Variants in TMEM126A observed in about 807,000 individuals in gnomAD.
TMEM126A encodes transmembrane protein 126A, also known as optic atrophy 7.
Under a neutral mutation model 18.3 loss-of-function variants are expected in TMEM126A, and 10 were observed. The observed-to-expected ratio is 0.55, with a 90% CI of 0.34 to 0.93. TMEM126A has a LOEUF of 0.93. Among genes scored for constraint, TMEM126A ranks in the 40% least tolerant of loss-of-function variants. TMEM126A has a pLI of 0.02. For synonymous variants in TMEM126A, 68 were observed against 78.1 expected (o/e 0.87, Z 0.68); for missense variants, 246 against 230.2 (o/e 1.07, Z -0.44).
At chr11:85,652,687 A>C (rs1045922600) in intron 2 of TMEM126A, among the ~76,000 whole-genome samples, 40 of 152,210 alleles carry the variant, frequency 2.6e-4, no homozygotes, top group African/African-American at 9.1e-4. Flanking sequence ...CTATGGGAAA[A>C]ATCTGGTTGG....
rs2153313677 is a variant in TMEM126A at position 85,655,650 on chromosome 11, A to G, written c.337A>G (p.Ile113Val). The G allele has an allele frequency of 3.1e-6, 5 of 1,613,712 alleles. No homozygotes were observed. Among genetic ancestry groups the G allele is most frequent in the Non-Finnish European group, 4.2e-6 (5 of 1,179,740 alleles). ...ACGGAGTGGACTGACTGGTCTTGTT[A>G]TTGGTGGTCTATACCCTGTTTTCTT... ...ITRSGLTGLV[I>V]GGLYPVFLAI... Residue 113 changes from isoleucine (I) to valine (V), a missense_variant, in exon 4 of 5, where the codon ATT (isoleucine) becomes GTT (valine). Transcript: ENST00000304511.
At chr11:85,656,220 A>G in intron 4 of TMEM126A, 89 bp from the exon 5 acceptor site, 4 of 1,138,754 alleles carry the variant, frequency 3.5e-6, no homozygotes, top group Non-Finnish European at 5.2e-6. Context: ...TTTTATCTTA[A>G]GACTTCTAGG....
chr11:85,653,987 A>G (rs1280646354), intron 2 of TMEM126A, 76 bp from the exon 3 acceptor site: 10 of 1,529,664 alleles, frequency 6.5e-6, no homozygotes, highest in South Asian at 2.2e-5. Context: ...CCAAAGTCCT[A>G]TAACACATGT....
intron 2 of TMEM126A, among the ~76,000 whole-genome samples, chr11:85,653,469 T>C (rs984417171): frequency 6.6e-6 from 1 of 152,226 alleles, no homozygotes. Context: ...TCAGCAATCA[T>C]GTTAGGTATT....
Position 85,655,613 on chromosome 11 carries a change from C to G in TMEM126A, c.300C>G (p.Thr100=). ...TCCTAGGTGATTTGGATTGTGAAAC[C>G]TGTACCATAACACGGAGTGGACTGA... The part of the protein sequence containing the change: ...PLNTGDLDCE[T]CTITRSGLTG... Residue 100 remains threonine (T), a synonymous_variant, in exon 4 of 5, where the codon ACC becomes ACG. Coordinates refer to ENST00000304511, the MANE Select transcript of TMEM126A (RefSeq NM_032273.4). 3.7e-6 allele frequency: 6 copies of G among 1,613,448 alleles called. No individual in the cohort carries two copies. Among genetic ancestry groups the G allele is most frequent in the Non-Finnish European group, 5.1e-6 (6 of 1,179,516 alleles).
At chr11:85,655,822 G>A (rs2082533843) in intron 4 of TMEM126A, 114 bp downstream of exon 4, 1 of 725,254 alleles carries the variant, frequency 1.4e-6, no homozygotes. Flanking sequence ...TTACCCTCTT[G>A]ATTAGAAGTT....
At chr11:85,648,940 T>TG (rs1565798534) in intron 1 of TMEM126A, among the ~76,000 whole-genome samples, 2 of 151,068 alleles carry the variant, frequency 1.3e-5, no homozygotes, top group East Asian at 3.9e-4. Context: ...TGAACTGTTT[T>TG]TTTTTTTTTT....
intron 1 of TMEM126A, among the ~76,000 whole-genome samples, chr11:85,649,384 C>CTAGGTA (rs1281848908): frequency 2.5e-4 from 38 of 152,216 alleles, no homozygotes; most frequent in African/African-American, 9.2e-4. Context: ...GTACAGCCAC[C>CTAGGTA]CAGCTAAGAA....
intron 4 of TMEM126A, among the ~76,000 whole-genome samples, chr11:85,655,945 A>T (rs1370407839): frequency 6.6e-6 from 1 of 152,186 alleles, no homozygotes; most frequent in Non-Finnish European, 1.5e-5. Flanking sequence ...ATACTAAACT[A>T]ACTACAAAGC....
At position 85,649,711 on chromosome 11, in the gene TMEM126A, T is replaced by C. The variant is rs535680785; in HGVS notation, c.-7-538T>C. Among the ~76,000 whole-genome samples, 4 of 152,360 alleles carry C rather than the reference T, an allele frequency of 2.6e-5. No individual in the cohort carries two copies. The South Asian group carries it at 6.2e-4, about 24-fold the overall frequency. On this transcript the variant is annotated intron_variant, in intron 1 of 4. Coordinates refer to ENST00000304511, the MANE Select transcript of TMEM126A (RefSeq NM_032273.4). ...ATTTTAGCTAACCTATGGGTACCTATTGGTATCTCACTGTGGGTTGTTCCC... is the reference window on the plus strand; with the variant it reads ...ATTTTAGCTAACCTATGGGTACCTACTGGTATCTCACTGTGGGTTGTTCCC...
At chr11:85,649,479 C>G (rs1276084127) in intron 1 of TMEM126A, among the ~76,000 whole-genome samples, 1 of 152,192 alleles carries the variant, frequency 6.6e-6, no homozygotes, top group Non-Finnish European at 1.5e-5. Flanking sequence ...ACATTTACAT[C>G]TGGCCCTTTA....
At chr11:85,649,729 T>A (rs1187155966) in intron 1 of TMEM126A, among the ~76,000 whole-genome samples, 1 of 152,226 alleles carries the variant, frequency 6.6e-6, no homozygotes, top group Non-Finnish European at 1.5e-5. Context: ...TCACTGTGGG[T>A]TGTTCCCCCA....
At chr11:85,654,324 CTTA>C (rs2082522451) in intron 3 of TMEM126A, 68 bp downstream of exon 3, 1 of 1,435,666 alleles carries the variant, frequency 7.0e-7, no homozygotes, top group African/African-American at 1.4e-5. Context: ...TTAGTCCATA[CTTA>C]TTAATATCAA....
At chr11:85,654,950 T>C (rs2082526888) in intron 3 of TMEM126A, among the ~76,000 whole-genome samples, 1 of 151,812 alleles carries the variant, frequency 6.6e-6, no homozygotes, top group Non-Finnish European at 1.5e-5. Flanking sequence ...GGGGAAAATA[T>C]TTTTATGGGA....
chr11:85,650,406 C>A, intron 2 of TMEM126A, 65 bp downstream of exon 2: 2 of 1,186,970 alleles, frequency 1.7e-6, no homozygotes, highest in Non-Finnish European at 2.5e-6. Flanking sequence ...GATTCATTAT[C>A]TCAAGTTTAT....
In TMEM126A at chr11:85,650,260, A is replaced by G; in HGVS notation, c.5A>G (p.Glu2Gly). MENHKSNNKENI... is the reference protein window; with the variant it reads MGNHKSNNKENI... Reference sequence around the variant, plus strand: ...TCATGTTTTTTAAGGCTCAAAATGGAAAATCATAAATCCAATAATAAGGAA... The same window carrying G: ...TCATGTTTTTTAAGGCTCAAAATGGGAAATCATAAATCCAATAATAAGGAA... Residue 2 changes from glutamate (E) to glycine (G), a missense_variant, in exon 2 of 5, where the codon GAA becomes GGA. Glu to Gly is a moderately conservative substitution (Grantham distance 98). Coordinates refer to ENST00000304511, the MANE Select transcript of TMEM126A (RefSeq NM_032273.4). 1 of 1,586,294 alleles carries G rather than the reference A, an allele frequency of 6.3e-7. No individual in the cohort carries two copies. The highest frequency in any genetic ancestry group is 8.6e-7 in the Non-Finnish European group (1 of 1,158,972).
At chr11:85,650,155 C>A in intron 1 of TMEM126A, 94 bp from the exon 2 acceptor site, 1 of 733,540 alleles carries the variant, frequency 1.4e-6, no homozygotes, top group Non-Finnish European at 2.2e-6. Context: ...TGATTTTTTT[C>A]AGATTAGCTC....
rs2082541744 is a variant in TMEM126A, at chr11:85,656,539, AAC to A, written c.*40_*41del. 2.1e-5 allele frequency: 32 copies of A among 1,527,588 alleles called. No homozygotes were observed. Among genetic ancestry groups the A allele is most frequent in the Non-Finnish European group, 2.7e-5 (30 of 1,109,136 alleles). 94.6% of individuals were successfully genotyped at this position (1,527,588 alleles called of 1,614,324 possible). A position where few individuals can be genotyped will look rare whatever the true frequency, so the allele number is the denominator to read the frequency against. ...ATGTAAACAAAAATAAAATGGTAAA[AAC>A]AGTTTATGTCTAATGTTATGTCTAA... On this transcript the variant is annotated 3_prime_UTR_variant, in exon 5 of 5. Transcript: ENST00000304511.
intron 2 of TMEM126A, among the ~76,000 whole-genome samples, chr11:85,653,345 T>C (rs1193062775): frequency 6.6e-6 from 1 of 152,230 alleles, no homozygotes; most frequent in Non-Finnish European, 1.5e-5. Flanking sequence ...ACTCTGTGGC[T>C]ACTTTGGCTA....
Sources: gnomAD v4.1 joint callset for allele counts (sites outside exome capture counted in the v4.1 genomes callset) on GRCh38, gnomAD v4.1.1 for gene constraint, MANE v1.5 for transcripts, NCBI Gene and HGNC (gene_info 2026-07-23, HGNC 2026-07-21) for gene names.